Variants in RB1CC1 observed in about 807,000 individuals in gnomAD.
The protein encoded by RB1CC1 is RB1-inducible coiled-coil protein 1.
RB1CC1 carries 46 observed loss-of-function variants against 177.5 expected under a neutral mutation model. The observed-to-expected ratio is 0.26, with a 90% CI of 0.20 to 0.33. RB1CC1 has a LOEUF of 0.33. Ranked by LOEUF, RB1CC1 falls within the 10% of genes least tolerant of loss-of-function variation. The probability of loss-of-function intolerance (pLI) is 1.00; values close to 1 mark genes in which losing one functional copy is unlikely to be tolerated. For synonymous variants in RB1CC1, 666 were observed against 613.6 expected (o/e 1.09, Z -1.26); for missense variants, 1,703 against 1,816.3 (o/e 0.94, Z 1.13).
chr8:52,623,749 A>C lies in RB1CC1; in HGVS notation c.*33T>G. 2.7e-6 allele frequency: 4 copies of C among 1,492,976 alleles called. No individual in the cohort carries two copies. The highest frequency in any genetic ancestry group is 3.7e-6 in the Non-Finnish European group (4 of 1,071,254). The allele number at this position is 1,492,976 out of a possible 1,614,324, so 92.5% of individuals were successfully genotyped here. On this transcript the variant is annotated 3_prime_UTR_variant, in exon 24 of 24. Transcript: ENST00000025008. ...AGCACTGCAGGACAAATCAGAAAAAAATGTCATAGAATGTATTAATTTTGT... is the reference window on the plus strand; with the variant it reads ...AGCACTGCAGGACAAATCAGAAAAACATGTCATAGAATGTATTAATTTTGT...
Position 52,655,996 on chromosome 8 carries a change from C to T in RB1CC1, c.3821+12G>A. The T allele has an allele frequency of 6.4e-7, 1 of 1,563,768 alleles. No homozygotes were observed. Among genetic ancestry groups the T allele is most frequent in the South Asian group, 1.1e-5 (1 of 87,500 alleles). On this transcript the variant is annotated intron_variant, in intron 15 of 23. Coordinates refer to ENST00000025008, the MANE Select transcript of RB1CC1 (RefSeq NM_014781.5). Reference sequence around the variant, plus strand: ...TTTAATTTTATAATTACAGACTAAACTTAATTCTTACCTTTTTGCTATTTG... The same window carrying T: ...TTTAATTTTATAATTACAGACTAAATTTAATTCTTACCTTTTTGCTATTTG...
intron 20 of RB1CC1, 104 bp downstream of exon 20, chr8:52,634,815 TAA>T: frequency 1.0e-6 from 1 of 956,070 alleles, no homozygotes; most frequent in Non-Finnish European, 1.6e-6. Flanking sequence ...CTACTATAGA[TAA>T]GTCAATCAAA....
At chr8:52,699,014 C>A (rs1196869448) in intron 1 of RB1CC1, among the ~76,000 whole-genome samples, 1 of 151,762 alleles carries the variant, frequency 6.6e-6, no homozygotes, top group Non-Finnish European at 1.5e-5. Flanking sequence ...TTTAAATGGT[C>A]AAAAATAATG....
chr8:52,707,426 TTC>T (rs981309664), intron 1 of RB1CC1, among the ~76,000 whole-genome samples: 47 of 130,296 alleles, frequency 3.6e-4, no homozygotes, highest in African/African-American at 1.1e-3. Context: ...TTCTTTTTCT[TTC>T]TTTCTTTTTT....
chr8:52,701,101 T>A (rs979418478), intron 1 of RB1CC1, among the ~76,000 whole-genome samples: 1 of 152,152 alleles, frequency 6.6e-6, no homozygotes, highest in Non-Finnish European at 1.5e-5. Flanking sequence ...ACCTTATGTA[T>A]ATAACAATGT....
chr8:52,667,943 C>A lies in RB1CC1; in HGVS notation c.1173+78G>T, dbSNP rs1852215626. On this transcript the variant is annotated intron_variant, in intron 8 of 23. Coordinates refer to ENST00000025008, the MANE Select transcript of RB1CC1 (RefSeq NM_014781.5). ...GAAAAAGTGAAAATATGGTGCACACCAAATTGATACTGCATATAAAACATG... is the reference window on the plus strand; with the variant it reads ...GAAAAAGTGAAAATATGGTGCACACAAAATTGATACTGCATATAAAACATG... 11 of 1,387,040 alleles carry A rather than the reference C, an allele frequency of 7.9e-6. No homozygotes were observed. In the South Asian group the frequency reaches 8.8e-5, roughly 11 times the overall value. The allele number at this position is 1,387,040 out of a possible 1,614,324, so 85.9% of individuals were successfully genotyped here.
chr8:52,634,978 G>GAAAAAAAAAAA lies in RB1CC1; in HGVS notation c.4393-11_4393-10insTTTTTTTTTTT. 1.2e-6 allele frequency: 2 copies of GAAAAAAAAAAA among 1,600,650 alleles called. No individual in the cohort carries two copies. The highest frequency in any genetic ancestry group is 1.4e-5 in the African/African-American group (1 of 74,008). ...CTTTCAATTGCAATGTCTGCAGGTG[G>GAAAAAAAAAAA]AAAAAAGAGACCTGTGGTTTATCCT... On this transcript the variant is annotated splice_polypyrimidine_tract_variant and intron_variant, in intron 19 of 23. Coordinates refer to ENST00000025008, the MANE Select transcript of RB1CC1 (RefSeq NM_014781.5).
Position 52,676,401 on chromosome 8 carries a change from C to A in RB1CC1, c.540G>T (p.Gln180His), listed in dbSNP as rs754872687. The A allele has an allele frequency of 6.2e-7, 1 of 1,611,566 alleles. No homozygotes were observed. The highest frequency in any genetic ancestry group is 8.5e-7 in the Non-Finnish European group (1 of 1,178,316). ...KFESIYSNYL[Q>H]SIEDIKLKLT... The stretch of plus-strand genomic sequence containing the variant: ...GTTTTAACTTGATGTCTTCTATGGA[C>A]TGCAGATAATTTGAATAAATACTTT... The change falls in exon 6 of 24, where the codon CAG (glutamine) becomes CAT (histidine). Residue 180 changes from glutamine (Q) to histidine (H), a missense_variant. Transcript: ENST00000025008.
At chr8:52,645,198 C>T (rs1278668665) in intron 16 of RB1CC1, among the ~76,000 whole-genome samples, 4 of 152,070 alleles carry the variant, frequency 2.6e-5, no homozygotes, top group African/African-American at 7.2e-5. Context: ...TAATCTACCA[C>T]CAGCCTATCA....
chr8:52,669,946 C>T (rs1036911019), intron 7 of RB1CC1, among the ~76,000 whole-genome samples: 1 of 147,754 alleles, frequency 6.8e-6, no homozygotes, highest in Admixed American at 6.9e-5. Flanking sequence ...ATAGTTTACA[C>T]AACTTCCTAA....
At chr8:52,652,420 A>G (rs1346078029) in intron 15 of RB1CC1, among the ~76,000 whole-genome samples, 3 of 145,392 alleles carry the variant, frequency 2.1e-5, no homozygotes, top group Admixed American at 7.2e-5. Flanking sequence ...TGATTGCGCC[A>G]CTGCACTCCA....
chr8:52,662,954 A>G (rs979043697), intron 8 of RB1CC1, among the ~76,000 whole-genome samples: 13 of 152,122 alleles, frequency 8.5e-5, no homozygotes, highest in Admixed American at 7.9e-4. Flanking sequence ...CCAAATTTAA[A>G]TTCTAGACCA....
intron 1 of RB1CC1, among the ~76,000 whole-genome samples, chr8:52,689,240 A>G (rs1854585732): frequency 1.3e-5 from 2 of 152,192 alleles, no homozygotes; most frequent in African/African-American, 2.4e-5. Context: ...GTCTAGATTC[A>G]CCCAATCTCT....
In RB1CC1 at chr8:52,684,024, T is replaced by C. The variant is rs1454268680; in HGVS notation, c.72-11A>G. ...TTAAGGTCTGCCACACTTCAAAAAA[T>C]GAAATAAAATAAATCAGTTGTTTAT... On this transcript the variant is annotated splice_polypyrimidine_tract_variant and intron_variant, in intron 3 of 23. Coordinates refer to ENST00000025008, the MANE Select transcript of RB1CC1 (RefSeq NM_014781.5). 2 of 1,607,700 alleles carry C rather than the reference T, an allele frequency of 1.2e-6. No individual in the cohort carries two copies. Among genetic ancestry groups the C allele is most frequent in the South Asian group, 2.2e-5 (2 of 90,268 alleles).
Position 52,646,761 on chromosome 8 carries a change from G to C in RB1CC1, c.3822-894C>G, listed in dbSNP as rs559638236. Among the ~76,000 whole-genome samples the C allele has an allele frequency of 9.2e-5, 14 of 152,186 alleles. No homozygotes were observed. In the East Asian group the frequency reaches 2.1e-3, roughly 23 times the overall value. ...ATGTAAGAAGAAATGAACAAACACTGGTTAATGATTAGTTTAACTTCTAAT... is the reference window on the plus strand; with the variant it reads ...ATGTAAGAAGAAATGAACAAACACTCGTTAATGATTAGTTTAACTTCTAAT... On this transcript the variant is annotated intron_variant, in intron 15 of 23. Transcript: ENST00000025008.
intron 16 of RB1CC1, 39 bp from the exon 17 acceptor site, chr8:52,642,851 TACTTAGCAGCTAGG>T: frequency 1.4e-6 from 2 of 1,465,586 alleles, no homozygotes; most frequent in Non-Finnish European, 9.0e-7. Flanking sequence ...TATCTACATG[TACTTAGCAGCTAGG>T]ACTTAGAAAA....
At chr8:52,630,058 T>G (rs1848650189) in intron 21 of RB1CC1, among the ~76,000 whole-genome samples, 1 of 151,956 alleles carries the variant, frequency 6.6e-6, no homozygotes, top group Non-Finnish European at 1.5e-5. Flanking sequence ...ATTGACAATT[T>G]GTTTATTATG....
Position 52,661,572 on chromosome 8 carries a change from T to A in RB1CC1, c.1321A>T (p.Lys441Ter). Residue 441 changes from lysine (K) to a stop codon, truncating the protein, a stop_gained, in exon 9 of 24, where the codon AAA (lysine) becomes TAA (stop). Transcript: ENST00000025008. LOFTEE classifies it high-confidence loss of function. ...TGTAGGTTATTTGCTAGTTCTTGTT[T>A]GGCAGTGGTACACTTCTGCTTAATA... ...LDIKQKCTTA[K>*]QELANNLHVR... 1 of 1,609,472 alleles carries A rather than the reference T, an allele frequency of 6.2e-7. No homozygotes were observed. The highest frequency in any genetic ancestry group is 2.2e-5 in the East Asian group (1 of 44,768).
intron 6 of RB1CC1, among the ~76,000 whole-genome samples, chr8:52,674,728 A>G (rs774590752): frequency 2.0e-5 from 3 of 151,550 alleles, no homozygotes; most frequent in Non-Finnish European, 4.4e-5. Flanking sequence ...AGATGGTGCC[A>G]CTGCACTCCA....
Sources: gnomAD v4.1 joint callset for allele counts (sites outside exome capture counted in the v4.1 genomes callset) on GRCh38, gnomAD v4.1.1 for gene constraint, MANE v1.5 for transcripts, NCBI Gene and HGNC (gene_info 2026-07-23, HGNC 2026-07-21) for gene names.